CNTRL: variants seen among roughly 807,000 people sequenced by gnomAD.
The protein encoded by CNTRL is 110 kDa centrosomal protein.
Under a neutral mutation model 303.7 loss-of-function variants are expected in CNTRL, and 233 were observed. The ratio of observed to expected loss-of-function variants is 0.77; its 90% confidence interval spans 0.69 to 0.86. CNTRL has a LOEUF of 0.86. CNTRL is among the 40% of genes least tolerant of loss of function. CNTRL has a pLI of 0.00. For missense variants in CNTRL, 2,524 were observed against 2,650.6 expected (o/e 0.95, Z 1.05); for synonymous variants, 900 against 922.2 (o/e 0.98, Z 0.44).
chr9:121,144,064 T>C lies in CNTRL; in HGVS notation c.3033T>C (p.Ile1011=). Residue 1011 remains isoleucine, a synonymous_variant, in exon 20 of 44, where the codon ATT becomes ATC. Transcript: ENST00000373855. The part of the protein sequence containing the change: ...LKSLHGTVMK[I]NQERAEELQE... ...CCCTTCATGGAACTGTTATGAAAAT[T>C]AACCAGGAGCGAGCAGAGGTGAGTT... The C allele has an allele frequency of 6.2e-7, 1 of 1,610,484 alleles. No individual in the cohort carries two copies. Among genetic ancestry groups the C allele is most frequent in the South Asian group, 1.1e-5 (1 of 90,518 alleles).
At chr9:121,084,224 T>G (rs909252370) in intron 2 of CNTRL, among the ~76,000 whole-genome samples, 1 of 152,194 alleles carries the variant, frequency 6.6e-6, no homozygotes, top group Non-Finnish European at 1.5e-5. Flanking sequence ...TCCAAAAGTT[T>G]GTAAAGTTTA....
At chr9:121,099,758 A>T (rs1210946490) in intron 7 of CNTRL, among the ~76,000 whole-genome samples, 1 of 152,222 alleles carries the variant, frequency 6.6e-6, no homozygotes, top group Non-Finnish European at 1.5e-5. Flanking sequence ...ACTACGTGAC[A>T]CATGCACAAG....
chr9:121,131,421 A>G (rs1171101009), intron 14 of CNTRL, among the ~76,000 whole-genome samples: 1 of 152,272 alleles, frequency 6.6e-6, no homozygotes, highest in East Asian at 1.9e-4. Context: ...TTGTTGGTTT[A>G]AAGTCTGTTT....
chr9:121,143,901 A>G lies in CNTRL; in HGVS notation c.2872-2A>G. 6.3e-7 allele frequency: 1 copy of G among 1,582,350 alleles called. No individual in the cohort carries two copies. The highest frequency in any genetic ancestry group is 2.2e-5 in the East Asian group (1 of 44,700). ...GTTTAATTAATATTTCTTTTATTTT[A>G]GAAGAAACTTGAAGATGCCAAATCT... On this transcript the variant is annotated splice_acceptor_variant, in intron 19 of 43. Transcript: ENST00000373855. LOFTEE classifies it high-confidence loss of function.
Position 121,177,456 on chromosome 9 carries a change from AAAC to A in CNTRL, c.*272_*274del. 2.7e-6 allele frequency: 1 copy of A among 373,522 alleles called. No homozygotes were observed. The highest frequency in any genetic ancestry group is 4.7e-6 in the Non-Finnish European group (1 of 211,298). The allele number at this position is 373,522 out of a possible 1,614,324, so 23.1% of individuals were successfully genotyped here. Reference sequence around the variant, plus strand: ...TAATCTTCGTAACATGTTTAAAAAAAAACAGTGATTTTAACTGCATATTTGAAC... The same window carrying A: ...TAATCTTCGTAACATGTTTAAAAAAAAGTGATTTTAACTGCATATTTGAAC... On this transcript the variant is annotated 3_prime_UTR_variant, in exon 44 of 44. Transcript: ENST00000373855.
Position 121,098,582 on chromosome 9 carries a change from A to C in CNTRL, c.808+10A>C. ...GAGAGATTCAGTTTAGGTAAGATTA[A>C]ATTTAAAAAATAATAAATTTGGGTG... On this transcript the variant is annotated intron_variant, in intron 7 of 43. Coordinates refer to ENST00000373855, the MANE Select transcript of CNTRL (RefSeq NM_007018.6). 1 of 1,536,336 alleles carries C rather than the reference A, an allele frequency of 6.5e-7. No homozygotes were observed. Among genetic ancestry groups the C allele is most frequent in the Non-Finnish European group, 8.8e-7 (1 of 1,138,006 alleles).
chr9:121,130,359 G>T (rs1343873705), intron 14 of CNTRL, among the ~76,000 whole-genome samples: 5 of 152,264 alleles, frequency 3.3e-5, no homozygotes, highest in African/African-American at 1.2e-4. Context: ...TTAGTCTTGG[G>T]AGGGTGTATG....
intron 14 of CNTRL, among the ~76,000 whole-genome samples, chr9:121,131,148 T>A (rs1179029828): frequency 1.3e-5 from 2 of 152,208 alleles, no homozygotes; most frequent in African/African-American, 4.8e-5. Context: ...CTATTAGGTC[T>A]GCTTGGTGCA....
At chr9:121,155,284 G>A (rs1404517215) in intron 27 of CNTRL, among the ~76,000 whole-genome samples, 2 of 152,020 alleles carry the variant, frequency 1.3e-5, no homozygotes, top group Non-Finnish European at 2.9e-5. Flanking sequence ...TTTTAAATAG[G>A]TCAATCTTTA....
At chr9:121,142,535 G>A (rs1181538871) in intron 19 of CNTRL, among the ~76,000 whole-genome samples, 1 of 152,186 alleles carries the variant, frequency 6.6e-6, no homozygotes, top group Non-Finnish European at 1.5e-5. Context: ...AAATGATATT[G>A]GGAGGAGTTT....
Position 121,165,054 on chromosome 9 carries a change from G to A in CNTRL, c.5535G>A (p.Lys1845=), listed in dbSNP as rs1409032965. 1 of 1,605,906 alleles carries A rather than the reference G, an allele frequency of 6.2e-7. No homozygotes were observed. Among genetic ancestry groups the A allele is most frequent in the Admixed American group, 1.7e-5 (1 of 58,288 alleles). The change falls in exon 35 of 44, where the codon AAG becomes AAA. Residue 1845 remains lysine, a synonymous_variant. Transcript: ENST00000373855. ...QQELDQLNRD[K]LSLHNDISAM... is the part of the protein sequence containing the mutation. The stretch of plus-strand genomic sequence containing the variant: ...AACTAGACCAACTAAACAGAGACAA[G>A]TTGTCACTGCATAACGACATTTCAG...
intron 7 of CNTRL, among the ~76,000 whole-genome samples, chr9:121,102,416 T>C (rs1233310165): frequency 6.6e-6 from 1 of 152,148 alleles, no homozygotes; most frequent in Non-Finnish European, 1.5e-5. Context: ...TAAGAGCTAT[T>C]TATGAGAAAC....
chr9:121,171,714 C>T, intron 40 of CNTRL, 166 bp downstream of exon 40: 1 of 507,604 alleles, frequency 2.0e-6, no homozygotes, highest in Non-Finnish European at 3.3e-6. Context: ...TTTAGAAACA[C>T]ACCTTGACTA....
At chr9:121,167,451 G>A in intron 36 of CNTRL, 38 bp from the exon 37 acceptor site, 7 of 1,564,866 alleles carry the variant, frequency 4.5e-6, no homozygotes, top group East Asian at 2.3e-5. Context: ...AGTAAAGATG[G>A]CTTTATTAGT....
chr9:121,113,747 T>C (rs767325490), intron 10 of CNTRL, 23 bp downstream of exon 10: 2 of 1,420,024 alleles, frequency 1.4e-6, no homozygotes, highest in African/African-American at 1.6e-5. Flanking sequence ...TATTTTAAAT[T>C]CTTTAAAAAA....
intron 7 of CNTRL, among the ~76,000 whole-genome samples, chr9:121,107,517 T>C (rs2049533531): frequency 6.6e-6 from 1 of 152,176 alleles, no homozygotes; most frequent in Admixed American, 6.5e-5. Flanking sequence ...TATTGCATGT[T>C]TTTCAAAGGT....
rs143158483 is a variant in CNTRL at position 121,113,577 on chromosome 9, A to G, written c.1198A>G (p.Thr400Ala). 92 of 1,609,354 alleles carry G rather than the reference A, an allele frequency of 5.7e-5. No individual in the cohort carries two copies. The African/African-American group carries it at 7.2e-4, about 13-fold the overall frequency. The stretch of plus-strand genomic sequence containing the variant: ...CAGATACAAGAGAAATATGTTTGCC[A>G]CAGAGAGTTATATTATTGACAGTGC... ...KSRYKRNMFA[T>A]ESYIIDSAQA... The change falls in exon 10 of 44, where the codon ACA becomes GCA. Residue 400 changes from threonine to alanine, a missense_variant. Thr to Ala is a moderately conservative substitution (Grantham distance 58, BLOSUM62 0). Transcript: ENST00000373855.
At chr9:121,117,630 C>T (rs761245651) in intron 11 of CNTRL, among the ~76,000 whole-genome samples, 5 of 152,104 alleles carry the variant, frequency 3.3e-5, no homozygotes, top group Non-Finnish European at 5.9e-5. Flanking sequence ...GTTTCTTTAT[C>T]TATAAAATTG....
intron 12 of CNTRL, chr9:121,121,668 C>T (rs2050231809): frequency 7.8e-6 from 3 of 382,788 alleles, no homozygotes; most frequent in Non-Finnish European, 7.2e-6. Context: ...AAAGTTTGGG[C>T]GTGATTGGCC....
Sources: allele counts gnomAD v4.1 joint callset (sites outside exome capture counted in the v4.1 genomes callset), GRCh38; gene constraint gnomAD v4.1.1; transcripts MANE v1.5; gene names NCBI Gene and HGNC (gene_info 2026-07-23, HGNC 2026-07-21).